Variants in FAM90A26 observed in about 807,000 individuals in gnomAD.
The protein encoded by FAM90A26 is protein FAM90A26.
At position 9,176,399 on chromosome 4, in the gene FAM90A26, C is replaced by T; in HGVS notation, c.*232C>T. ...GTTCGCATGGTTCTCCGGAAACGCG[C>T]CAGGAAAAGCTTCCGTGCCAGAGAG... On this transcript the variant is annotated 3_prime_UTR_variant, in exon 7 of 7. Coordinates refer to ENST00000512047, the Ensembl canonical transcript of FAM90A26. 2.7e-5 allele frequency: 2 copies of T among 73,810 alleles called. 1 individual carries two copies. The highest frequency in any genetic ancestry group is 1.7e-4 in the South Asian group (2 of 11,542). 4.6% of individuals were successfully genotyped at this position (73,810 alleles called of 1,614,324 possible).
At position 9,173,104 on chromosome 4, in the gene FAM90A26, G is replaced by A. The variant is rs1713463078; in HGVS notation, c.-56-13G>A. On this transcript the variant is annotated splice_polypyrimidine_tract_variant and intron_variant, in intron 3 of 6. Coordinates refer to ENST00000512047, the Ensembl canonical transcript of FAM90A26. ...TGCTTAACCATCGACGTGTGTGTTT[G>A]TGTGTGTTTCAGGTGACCCAAAAAT... is the stretch of plus-strand genomic sequence containing the variant. 1.3e-5 allele frequency: 2 copies of A among 157,736 alleles called. 1 individual carries two copies. Among genetic ancestry groups the A allele is most frequent in the Non-Finnish European group, 2.2e-5 (2 of 91,410 alleles). The allele number at this position is 157,736 out of a possible 1,614,324, so 9.8% of individuals were successfully genotyped here. A position where few individuals can be genotyped will look rare whatever the true frequency, so the allele number is the denominator to read the frequency against.
rs1456155361 is a variant in FAM90A26, at chr4:9,176,346, T to A, written c.*179T>A. On this transcript the variant is annotated 3_prime_UTR_variant, in exon 7 of 7. Transcript: ENST00000512047. ...CAGGGAGCAGATGCAGGGATCTGCC[T>A]CATTGAATTCTGGTGAGGGACATTG... 7 of 92,952 alleles carry A rather than the reference T, an allele frequency of 7.5e-5. 3 individuals carry two copies. The highest frequency in any genetic ancestry group is 1.4e-4 in the Non-Finnish European group (7 of 49,800). The allele number at this position is 92,952 out of a possible 1,614,324, so 5.8% of individuals were successfully genotyped here. A position where few individuals can be genotyped will look rare whatever the true frequency, so the allele number is the denominator to read the frequency against.
rs370946572 is a variant in FAM90A26 at position 9,175,954 on chromosome 4, G to A, written c.1182G>A (p.Val394=). The A allele has an allele frequency of 7.8e-3, 1,839 of 235,182 alleles. 505 individuals carry two copies. In the East Asian group the frequency reaches 0.13, roughly 17 times the overall value. The allele number at this position is 235,182 out of a possible 1,614,324, so 14.6% of individuals were successfully genotyped here. The change falls in exon 7 of 7, where the codon GTG becomes GTA. Residue 394 remains valine (V), a synonymous_variant. Coordinates refer to ENST00000512047, the Ensembl canonical transcript of FAM90A26. ...ATGATGGGGCCCAGCCTCTCAGAGT[G>A]CTCTTCCGGAGACTGGAAAACGGAC...
In FAM90A26 at chr4:9,176,001, C is replaced by G. The variant is rs1444584338; in HGVS notation, c.1229C>G (p.Ala410Gly). ...GGACGCTGGAGCTCCAGCCTCCTGG[C>G]GGCCCCCTCATTTCACTCTCCTGAG... The change falls in exon 7 of 7, where the codon GCG becomes GGG. Residue 410 changes from alanine (A) to glycine (G), a missense_variant. Transcript: ENST00000512047. 1.0e-5 allele frequency: 2 copies of G among 200,780 alleles called. 1 individual carries two copies. The highest frequency in any genetic ancestry group is 2.5e-4 in the East Asian group (2 of 8,098). 12.4% of individuals were successfully genotyped at this position (200,780 alleles called of 1,614,324 possible).
In FAM90A26 at chr4:9,174,208, G is replaced by A. The variant is rs183767813; in HGVS notation, c.323+219G>A. Among the ~76,000 whole-genome samples the A allele has an allele frequency of 9.6e-3, 227 of 23,598 alleles. 47 individuals carry two copies. The East Asian group carries it at 0.12, about 13-fold the overall frequency. The allele number at this position is 23,598 out of a possible 152,430, so 15.5% of individuals were successfully genotyped here. On this transcript the variant is annotated intron_variant, in intron 5 of 6. Transcript: ENST00000512047. Reference sequence around the variant, plus strand: ...GGGAGAGGCGGGGGCGCTTCGTGCAGGTTCCCCACGACAGGGGGAAAAGCG... The same window carrying A: ...GGGAGAGGCGGGGGCGCTTCGTGCAAGTTCCCCACGACAGGGGGAAAAGCG...
rs372661179 is a variant in FAM90A26 at position 9,172,133 on chromosome 4, C to A, written c.-93C>A. 8.3e-5 allele frequency: 2 copies of A among 24,096 alleles called. 1 individual carries two copies. The highest frequency in any genetic ancestry group is 1.9e-3 in the East Asian group (2 of 1,038). 1.5% of individuals were successfully genotyped at this position (24,096 alleles called of 1,614,324 possible). A position where few individuals can be genotyped will look rare whatever the true frequency, so the allele number is the denominator to read the frequency against. ...CTGCTCCAGCACCTGCCCATCTCAG[C>A]GCCAGCCGGGGAAAGAAAGTAGACG... is the stretch of plus-strand genomic sequence containing the variant. On this transcript the variant is annotated 5_prime_UTR_variant, in exon 3 of 7. Transcript: ENST00000512047.
chr4:9,175,885 T>C lies in FAM90A26; in HGVS notation c.1113T>C (p.Pro371=), dbSNP rs1456597095. 2.0e-5 allele frequency: 5 copies of C among 248,940 alleles called. 2 individuals carry two copies. The highest frequency in any genetic ancestry group is 2.9e-5 in the Non-Finnish European group (5 of 170,954). The allele number at this position is 248,940 out of a possible 1,614,324, so 15.4% of individuals were successfully genotyped here. A position where few individuals can be genotyped will look rare whatever the true frequency, so the allele number is the denominator to read the frequency against. Residue 371 remains proline, a synonymous_variant, in exon 7 of 7, where the codon CCT becomes CCC. Transcript: ENST00000512047. Reference sequence around the variant, plus strand: ...CTCCGCACAGCAGACCTTGCCTGCCTACTGCCCAGGCCTGCACCATGTCCC... The same window carrying C: ...CTCCGCACAGCAGACCTTGCCTGCCCACTGCCCAGGCCTGCACCATGTCCC...
rs1414188935 is a variant in FAM90A26 at position 9,171,052 on chromosome 4, G to C, written c.-420-480G>C. ...TACAAAAGTAAGCTGGGTGTGGTGG[G>C]CACCTGTAGTCCCAGCTACTCGGGA... On this transcript the variant is annotated intron_variant, in intron 1 of 6. Coordinates refer to ENST00000512047, the Ensembl canonical transcript of FAM90A26. 3.2e-4 allele frequency among the ~76,000 whole-genome samples: 7 copies of C among 22,188 alleles called. 3 individuals carry two copies. The allele number at this position is 22,188 out of a possible 152,430, so 14.6% of individuals were successfully genotyped here. A position where few individuals can be genotyped will look rare whatever the true frequency, so the allele number is the denominator to read the frequency against.
rs1560517712 is a variant in FAM90A26, at chr4:9,173,604, C to T, written c.124-186C>T. Reference sequence around the variant, plus strand: ...TGAGTCCTGCCTTTTAGAGTTCCTCCGTCACATGGGCTTTGGGAGGGAACA... The same window carrying T: ...TGAGTCCTGCCTTTTAGAGTTCCTCTGTCACATGGGCTTTGGGAGGGAACA... On this transcript the variant is annotated intron_variant, in intron 4 of 6. Transcript: ENST00000512047. Among the ~76,000 whole-genome samples, 2 of 24,140 alleles carry T rather than the reference C, an allele frequency of 8.3e-5. 1 individual carries two copies. The highest frequency in any genetic ancestry group is 1.7e-4 in the Non-Finnish European group (2 of 11,866). 15.8% of individuals were successfully genotyped at this position (24,140 alleles called of 152,430 possible).
At position 9,171,022 on chromosome 4, in the gene FAM90A26, A is replaced by C. The variant is rs1365813467; in HGVS notation, c.-421+500A>C. Among the ~76,000 whole-genome samples, 2 of 22,512 alleles carry C rather than the reference A, an allele frequency of 8.9e-5. 1 individual carries two copies. The highest frequency in any genetic ancestry group is 2.0e-3 in the East Asian group (2 of 992). 14.8% of individuals were successfully genotyped at this position (22,512 alleles called of 152,430 possible). On this transcript the variant is annotated intron_variant, in intron 1 of 6. Coordinates refer to ENST00000512047, the Ensembl canonical transcript of FAM90A26. ...AACATGGTGAAACACTGTTTCTACC[A>C]AAAATACAAAAGTAAGCTGGGTGTG...
At position 9,175,467 on chromosome 4, in the gene FAM90A26, G is replaced by A. The variant is rs766920934; in HGVS notation, c.695G>A (p.Ser232Asn). The change falls in exon 7 of 7, where the codon AGC (serine) becomes AAC (asparagine). Residue 232 changes from serine to asparagine, a missense_variant. Physicochemically the swap from Ser to Asn is conservative, Grantham distance 46 (BLOSUM62 1). Transcript: ENST00000512047. The stretch of plus-strand genomic sequence containing the variant: ...CTCGTGGTGAAGCCGACACACAGCA[G>A]CCCTGAGGGTGGCTGCCGAGAAGTT... 7 of 285,444 alleles carry A rather than the reference G, an allele frequency of 2.5e-5. 3 individuals carry two copies. The African/African-American group carries it at 4.2e-4, about 17-fold the overall frequency. The allele number at this position is 285,444 out of a possible 1,614,324, so 17.7% of individuals were successfully genotyped here. A position where few individuals can be genotyped will look rare whatever the true frequency, so the allele number is the denominator to read the frequency against.
chr4:9,172,516 T>C (rs139675881), intron 3 of FAM90A26, among the ~76,000 whole-genome samples: 1,313 of 35,770 alleles, frequency 0.037, 25 homozygotes, highest in African/African-American at 0.091. Context: ...TCGTGTGGCA[T>C]GTGTAAAATA....
intron 3 of FAM90A26, among the ~76,000 whole-genome samples, chr4:9,172,491 T>G (rs1713453819): frequency 2.4e-5 from 1 of 42,236 alleles, no homozygotes; most frequent in African/African-American, 7.6e-5. Flanking sequence ...TTGTTCACCG[T>G]TTGTTTAGAT....
At position 9,174,275 on chromosome 4, in the gene FAM90A26, G is replaced by A. The variant is rs1390233019; in HGVS notation, c.324-173G>A. On this transcript the variant is annotated intron_variant, in intron 5 of 6. Transcript: ENST00000512047. The stretch of plus-strand genomic sequence containing the variant: ...AGTCCTTAGTTGGGAGGCCTAGAGG[G>A]CCACCTGGAGGATGGGAAGGTTGGC... 8.4e-5 allele frequency among the ~76,000 whole-genome samples: 2 copies of A among 23,672 alleles called. 1 individual carries two copies. Among genetic ancestry groups the A allele is most frequent in the Non-Finnish European group, 1.7e-4 (2 of 11,652 alleles). The allele number at this position is 23,672 out of a possible 152,430, so 15.5% of individuals were successfully genotyped here.
At position 9,174,226 on chromosome 4, in the gene FAM90A26, G is replaced by C. The variant is rs1354381307; in HGVS notation, c.324-222G>C. On this transcript the variant is annotated intron_variant, in intron 5 of 6. Transcript: ENST00000512047. ...TCGTGCAGGTTCCCCACGACAGGGG[G>C]AAAAGCGATGGAATCCAAATCACAG... Among the ~76,000 whole-genome samples the C allele has an allele frequency of 3.0e-4, 7 of 23,684 alleles. 3 individuals carry two copies. The highest frequency in any genetic ancestry group is 2.2e-3 in the Admixed American group (7 of 3,128). 15.5% of individuals were successfully genotyped at this position (23,684 alleles called of 152,430 possible).
rs1713434107 is a variant in FAM90A26, at chr4:9,171,587, G to T, written c.-365G>T. ...CCTCCTGGAGAAGAAAACACATGAG[G>T]GTGTGGTCAGGGATCTCTGCTGACA... On this transcript the variant is annotated 5_prime_UTR_variant, in exon 2 of 7. Transcript: ENST00000512047. 4 of 23,284 alleles carry T rather than the reference G, an allele frequency of 1.7e-4. 2 individuals are homozygous for T. Among genetic ancestry groups the T allele is most frequent in the African/African-American group, 1.1e-3 (4 of 3,654 alleles). 1.4% of individuals were successfully genotyped at this position (23,284 alleles called of 1,614,324 possible).
In FAM90A26 at chr4:9,176,107, C is replaced by T. The variant is rs1442871390; in HGVS notation, c.1335C>T (p.Val445=). ...CCCGTGTTCGTGTCCCACCGAACGT[C>T]CTCTATGAGGACCTTCAGGTTTCCT... is the stretch of plus-strand genomic sequence containing the variant. The change falls in exon 7 of 7, where the codon GTC becomes GTT. Residue 445 remains valine, a synonymous_variant. Coordinates refer to ENST00000512047, the Ensembl canonical transcript of FAM90A26. The T allele has an allele frequency of 8.6e-6, 2 of 233,704 alleles. 1 individual carries two copies. The highest frequency in any genetic ancestry group is 1.3e-4 in the Admixed American group (2 of 14,942). The allele number at this position is 233,704 out of a possible 1,614,324, so 14.5% of individuals were successfully genotyped here. A position where few individuals can be genotyped will look rare whatever the true frequency, so the allele number is the denominator to read the frequency against.
At chr4:9,172,494 G>T (rs1296774597) in intron 3 of FAM90A26, among the ~76,000 whole-genome samples, 1 of 42,360 alleles carries the variant, frequency 2.4e-5, no homozygotes, top group Non-Finnish European at 5.5e-5. Flanking sequence ...TTCACCGTTT[G>T]TTTAGATGAA....
Position 9,174,101 on chromosome 4 carries a change from C to T in FAM90A26, c.323+112C>T. The T allele has an allele frequency of 1.7e-5, 2 of 119,504 alleles. 1 individual carries two copies. The highest frequency in any genetic ancestry group is 3.1e-5 in the Non-Finnish European group (2 of 64,200). 7.4% of individuals were successfully genotyped at this position (119,504 alleles called of 1,614,324 possible). ...CCGTCTCCGGGCCAGGGAAGCAACG[C>T]TGCAGAGAAATAGACCGGAGCTCCG... On this transcript the variant is annotated intron_variant, in intron 5 of 6. Coordinates refer to ENST00000512047, the Ensembl canonical transcript of FAM90A26.
Sources: gnomAD v4.1 joint callset for allele counts (sites outside exome capture counted in the v4.1 genomes callset) on GRCh38, gnomAD v4.1.1 for gene constraint, MANE v1.5 for transcripts, NCBI Gene and HGNC (gene_info 2026-07-23, HGNC 2026-07-21) for gene names.